WWOX: variants seen among roughly 807,000 people sequenced by gnomAD.
The protein encoded by WWOX is WW domain containing oxidoreductase.
In WWOX, 69 loss-of-function variants were observed where a neutral mutation model predicts 46.2. The ratio of observed to expected loss-of-function variants is 1.49; its 90% CI spans 1.23 to 1.82. The LOEUF (loss-of-function observed/expected upper bound fraction) is 1.82, where lower values mean the gene tolerates loss of function less well. Among genes scored for constraint, WWOX ranks in the 40% most tolerant of loss-of-function variants. The probability of loss-of-function intolerance (pLI) is 0.00; values close to 1 mark genes in which losing one functional copy is unlikely to be tolerated. For synonymous variants in WWOX, 359 were observed against 202.6 expected (o/e 1.77, Z -6.56); for missense variants, 919 against 542.6 (o/e 1.69, Z -6.89).
chr16:78,670,587 C>G (rs1306906076), intron 8 of WWOX, among the ~76,000 whole-genome samples: 3 of 152,034 alleles, frequency 2.0e-5, no homozygotes, highest in African/African-American at 4.8e-5. Context: ...GGTTGCTGTA[C>G]TAGATGAATA....
At position 78,457,909 on chromosome 16, in the gene WWOX, C is replaced by CAAAAAAAAAAAAAAAAAAA. The variant is rs57956003; in HGVS notation, c.1056+25158_1056+25176dup. 6.6e-4 allele frequency among the ~76,000 whole-genome samples: 57 copies of CAAAAAAAAAAAAAAAAAAA among 86,966 alleles called. 2 individuals carry two copies. The highest frequency in any genetic ancestry group is 3.1e-3 in the African/African-American group (54 of 17,292). The allele number at this position is 86,966 out of a possible 152,430, so 57.1% of individuals were successfully genotyped here. ...CCAGCCTGAGCGTGAGACTCTGACTCAAAAAAAAAAAAAAAAAAATTAGCT... is the reference window on the plus strand; with the variant it reads ...CCAGCCTGAGCGTGAGACTCTGACTCAAAAAAAAAAAAAAAAAAAAAAAAAAAAAAAAAAAAAATTAGCT... On this transcript the variant is annotated intron_variant, in intron 8 of 8. Coordinates refer to ENST00000566780, the MANE Select transcript of WWOX (RefSeq NM_016373.4).
chr16:78,597,320 C>T (rs1377756247), intron 8 of WWOX, among the ~76,000 whole-genome samples: 3 of 152,110 alleles, frequency 2.0e-5, no homozygotes, highest in African/African-American at 7.2e-5. Context: ...CTACTGTGTG[C>T]CGGGCACTGT....
intron 8 of WWOX, among the ~76,000 whole-genome samples, chr16:79,034,791 G>C (rs1163989684): frequency 2.6e-5 from 4 of 151,932 alleles, no homozygotes; most frequent in Non-Finnish European, 5.9e-5. Flanking sequence ...ATTACATGAA[G>C]GAATTATTCA....
intron 8 of WWOX, chr16:78,534,699 T>C (rs939348865): frequency 1.3e-5 from 2 of 151,914 alleles, no homozygotes; most frequent in African/African-American, 4.8e-5. Context: ...TTGCTTTACA[T>C]CTTTTTATTT....
In WWOX at chr16:78,548,069, C is replaced by G. The variant is rs576428673; in HGVS notation, c.1056+115317C>G. On this transcript the variant is annotated intron_variant, in intron 8 of 8. Transcript: ENST00000566780. Reference sequence around the variant, plus strand: ...ACTCCAGAGGCTGAGGCAGGAGAATCACTTGAACCCAGGAGGTGGAGGTTG... The same window carrying G: ...ACTCCAGAGGCTGAGGCAGGAGAATGACTTGAACCCAGGAGGTGGAGGTTG... Among the ~76,000 whole-genome samples the G allele has an allele frequency of 5.4e-5, 8 of 148,396 alleles. No homozygotes were observed. In the East Asian group the frequency reaches 1.6e-3, roughly 30 times the overall value.
intron 8 of WWOX, among the ~76,000 whole-genome samples, chr16:79,153,147 C>T (rs568666595): frequency 5.3e-5 from 8 of 152,226 alleles, no homozygotes; most frequent in African/African-American, 1.9e-4. Context: ...TTCATTCAAC[C>T]GCCAAGAAAT....
intron 4 of WWOX, among the ~76,000 whole-genome samples, chr16:78,150,345 A>AG (rs1214828351): frequency 1.3e-5 from 2 of 152,132 alleles, no homozygotes; most frequent in Non-Finnish European, 2.9e-5. Flanking sequence ...GCAATCTGGA[A>AG]GCTCTCCAAA....
At chr16:79,184,718 G>C (rs2050979487) in intron 8 of WWOX, among the ~76,000 whole-genome samples, 1 of 152,152 alleles carries the variant, frequency 6.6e-6, no homozygotes, top group Non-Finnish European at 1.5e-5. Flanking sequence ...CCAGAAGAGT[G>C]GGAGTCTAGG....
At chr16:79,120,798 T>G (rs1039693218) in intron 8 of WWOX, among the ~76,000 whole-genome samples, 1 of 152,232 alleles carries the variant, frequency 6.6e-6, no homozygotes, top group Non-Finnish European at 1.5e-5. Context: ...AGACACAGTC[T>G]CACTCTGTTG....
At chr16:78,353,545 C>G (rs561329395) in intron 5 of WWOX, among the ~76,000 whole-genome samples, 8 of 152,344 alleles carry the variant, frequency 5.3e-5, no homozygotes, top group African/African-American at 1.7e-4. Flanking sequence ...AAGCCAAAGA[C>G]TTTCTGAAAT....
chr16:78,614,857 C>G (rs2045982762), intron 8 of WWOX, among the ~76,000 whole-genome samples: 2 of 152,178 alleles, frequency 1.3e-5, no homozygotes, highest in Non-Finnish European at 2.9e-5. Context: ...CATAGGTATA[C>G]ATGTGCCATG....
At chr16:78,410,617 C>A (rs1192113591) in intron 6 of WWOX, among the ~76,000 whole-genome samples, 1 of 151,736 alleles carries the variant, frequency 6.6e-6, no homozygotes, top group African/African-American at 2.4e-5. Flanking sequence ...TGAGACCAAC[C>A]TGGCCAACAT....
chr16:78,859,054 A>G (rs1471448592), intron 8 of WWOX, among the ~76,000 whole-genome samples: 59 of 71,246 alleles, frequency 8.3e-4, no homozygotes, highest in Non-Finnish European at 1.5e-3. Context: ...ATATATGTAT[A>G]TATATATATA....
rs1434296939 is a variant in WWOX, at chr16:78,341,999, C to T, written c.517-44861C>T. On this transcript the variant is annotated intron_variant, in intron 5 of 8. Coordinates refer to ENST00000566780, the MANE Select transcript of WWOX (RefSeq NM_016373.4). ...GGCATGGTGGTGCTCACCTATAGTA[C>T]CAGGTACTTCGGAGGCTGAGGCAGC... Among the ~76,000 whole-genome samples, 2 of 119,980 alleles carry T rather than the reference C, an allele frequency of 1.7e-5. 1 individual carries two copies. The allele number at this position is 119,980 out of a possible 152,430, so 78.7% of individuals were successfully genotyped here.
At chr16:78,195,821 C>CAAAAAAAAAA (rs148609646) in intron 5 of WWOX, among the ~76,000 whole-genome samples, 2 of 76,036 alleles carry the variant, frequency 2.6e-5, no homozygotes, top group African/African-American at 5.3e-5. Context: ...GACTCTGCCT[C>CAAAAAAAAAA]AAAAAAAAAA....
intron 8 of WWOX, among the ~76,000 whole-genome samples, chr16:78,805,053 TC>T (rs2142675715): frequency 6.6e-6 from 1 of 152,362 alleles, no homozygotes; most frequent in South Asian, 2.1e-4. Flanking sequence ...TTGCAACCCA[TC>T]TTAAAAATAA....
chr16:78,398,473 G>A (rs533949377), intron 6 of WWOX, among the ~76,000 whole-genome samples: 1 of 152,298 alleles, frequency 6.6e-6, no homozygotes, highest in Non-Finnish European at 1.5e-5. Flanking sequence ...TGGATTCATG[G>A]ATTGCTTGTG....
At chr16:79,173,080 A>G (rs1221374497) in intron 8 of WWOX, among the ~76,000 whole-genome samples, 2 of 152,188 alleles carry the variant, frequency 1.3e-5, no homozygotes, top group Admixed American at 6.5e-5. Context: ...GACCTCCAGG[A>G]TTCTCTGCAG....
chr16:79,128,551 C>G (rs1473493161), intron 8 of WWOX, among the ~76,000 whole-genome samples: 1 of 152,012 alleles, frequency 6.6e-6, no homozygotes, highest in African/African-American at 2.4e-5. Flanking sequence ...TGTCTTGGAC[C>G]CAGGTTAACT....
Sources: allele counts gnomAD v4.1 joint callset (sites outside exome capture counted in the v4.1 genomes callset), GRCh38; gene constraint gnomAD v4.1.1; transcripts MANE v1.5; gene names NCBI Gene and HGNC (gene_info 2026-07-23, HGNC 2026-07-21).